The following AFF3 variants were observed in gnomAD, a reference collection of about 807,000 sequenced individuals.
The protein encoded by AFF3 is AF4/FMR2 family member 3.
AFF3 carries 32 observed loss-of-function variants against 129.7 expected under a neutral mutation model. That is an observed-to-expected ratio of 0.25 (90% CI 0.19 to 0.33). The LOEUF is 0.33. Ranked by LOEUF, AFF3 falls within the 10% of genes least tolerant of loss-of-function variation. The probability of loss-of-function intolerance (pLI) is 1.00; values close to 1 mark genes in which losing one functional copy is unlikely to be tolerated. For synonymous variants in AFF3, 644 were observed against 635.4 expected, an observed-to-expected ratio of 1.01 and a Z score of -0.20; for missense variants, 1,373 against 1,592.0, an observed-to-expected ratio of 0.86 and a Z score of 2.34.
chr2:100,068,188 T>C (rs530618125), intron 4 of AFF3, among the ~76,000 whole-genome samples: 20 of 152,332 alleles, frequency 1.3e-4, no homozygotes, highest in African/African-American at 4.3e-4. Flanking sequence ...GTCTTCTTCA[T>C]AGCTTTGACC....
intron 7 of AFF3, among the ~76,000 whole-genome samples, chr2:99,987,844 C>T (rs1204271354): frequency 6.6e-6 from 1 of 152,214 alleles, no homozygotes; most frequent in Non-Finnish European, 1.5e-5. Flanking sequence ...TTTTCTCAAT[C>T]TCCAGCCTCA....
intron 11 of AFF3, among the ~76,000 whole-genome samples, chr2:99,692,204 G>C (rs895088543): frequency 6.6e-6 from 1 of 152,194 alleles, no homozygotes; most frequent in Non-Finnish European, 1.5e-5. Context: ...CAAATCCAGA[G>C]AGGACTCTTA....
At chr2:99,733,146 G>A (rs1349918108) in intron 10 of AFF3, among the ~76,000 whole-genome samples, 2 of 151,982 alleles carry the variant, frequency 1.3e-5, no homozygotes, top group Non-Finnish European at 2.9e-5. Flanking sequence ...TTGGGAGGCC[G>A]AGGCAGGCGG....
At chr2:99,848,043 A>G (rs1380532624) in intron 7 of AFF3, among the ~76,000 whole-genome samples, 1 of 152,086 alleles carries the variant, frequency 6.6e-6, no homozygotes, top group African/African-American at 2.4e-5. Context: ...GCACTTCAGG[A>G]GGCCAACGTG....
At chr2:99,575,744 T>C (rs924419211) in intron 18 of AFF3, among the ~76,000 whole-genome samples, 1 of 152,176 alleles carries the variant, frequency 6.6e-6, no homozygotes, top group Non-Finnish European at 1.5e-5. Flanking sequence ...TTTTATTCTA[T>C]TATATCTATA....
At chr2:99,752,156 C>T in intron 9 of AFF3, 65 bp downstream of exon 9, 3 of 1,379,824 alleles carry the variant, frequency 2.2e-6, no homozygotes, top group Non-Finnish European at 3.1e-6. Flanking sequence ...CGGGTAAAGC[C>T]CACTGCCCAC....
intron 14 of AFF3, among the ~76,000 whole-genome samples, chr2:99,597,106 G>C (rs1679363321): frequency 6.6e-6 from 1 of 152,154 alleles, no homozygotes; most frequent in Non-Finnish European, 1.5e-5. Context: ...GCTCAGAGAG[G>C]CTAAGGGACA....
In AFF3 at chr2:99,806,591, A is replaced by G. The variant is rs115156740; in HGVS notation, c.921+30886T>C. Among the ~76,000 whole-genome samples the G allele has an allele frequency of 4.3e-3, 654 of 152,254 alleles. 3 individuals are homozygous for G. The highest frequency in any genetic ancestry group is 0.015 in the African/African-American group (622 of 41,544). ...TGGGGGGAAATCCCAGTTGAACTTG[A>G]TATGACAGAGCAAGTAACTTAGAAC... On this transcript the variant is annotated intron_variant, in intron 8 of 24. Transcript: ENST00000672756.
Position 99,874,833 on chromosome 2 carries a change from A to T in AFF3, c.874-37309T>A, listed in dbSNP as rs573481863. 8.5e-5 allele frequency among the ~76,000 whole-genome samples: 13 copies of T among 152,310 alleles called. No homozygotes were observed. In the South Asian group the frequency reaches 2.7e-3, roughly 32 times the overall value. On this transcript the variant is annotated intron_variant, in intron 7 of 24. Coordinates refer to ENST00000672756, the MANE Select transcript of AFF3 (RefSeq NM_001386135.1). ...TAAGAGCTTGTCCTTGTTCTTAGGA[A>T]ATACATTGAAATATTTAGCAGTAAA...
rs1050190542 is a variant in AFF3, at chr2:99,547,499, T to C, written c.*3975A>G. On this transcript the variant is annotated 3_prime_UTR_variant, in exon 25 of 25. Transcript: ENST00000672756. Reference sequence around the variant, plus strand: ...TACATTGTTAAAAAAATCTTGCTTTTTTTTTTTTTTGGTGATGCAGATTTC... The same window carrying C: ...TACATTGTTAAAAAAATCTTGCTTTCTTTTTTTTTTGGTGATGCAGATTTC... 4 of 203,110 alleles carry C rather than the reference T, an allele frequency of 2.0e-5. No homozygotes were observed. Among genetic ancestry groups the C allele is most frequent in the African/African-American group, 9.2e-5 (4 of 43,634 alleles). 12.6% of individuals were successfully genotyped at this position (203,110 alleles called of 1,614,324 possible). A position where few individuals can be genotyped will look rare whatever the true frequency, so the allele number is the denominator to read the frequency against.
intron 13 of AFF3, among the ~76,000 whole-genome samples, chr2:99,608,821 A>AGTTTTAACAATGAAAAGTTTCATTGT (rs1454544239): frequency 2.0e-5 from 3 of 152,206 alleles, no homozygotes; most frequent in African/African-American, 7.2e-5. Context: ...TAATTTGAAA[A>AGTTTTAACAATGAAAAGTTTCATTGT]GTTTTAACAA....
chr2:99,817,977 A>T (rs751996340), intron 8 of AFF3, among the ~76,000 whole-genome samples: 6 of 152,258 alleles, frequency 3.9e-5, no homozygotes, highest in Non-Finnish European at 7.3e-5. Flanking sequence ...AGACATATGC[A>T]GAATTCCATC....
chr2:99,955,774 C>T (rs1054926184), intron 7 of AFF3, among the ~76,000 whole-genome samples: 2 of 152,178 alleles, frequency 1.3e-5, no homozygotes, highest in Middle Eastern at 3.2e-3. Context: ...GACACTGTTC[C>T]ATGAAATCAT....
chr2:99,639,253 T>C (rs1412928967), intron 13 of AFF3, among the ~76,000 whole-genome samples: 1 of 152,252 alleles, frequency 6.6e-6, no homozygotes, highest in African/African-American at 2.4e-5. Context: ...GGAGCCATTC[T>C]GTTTTATTGT....
At chr2:100,117,464 T>C (rs928806564) in intron 2 of AFF3, among the ~76,000 whole-genome samples, 2 of 152,234 alleles carry the variant, frequency 1.3e-5, no homozygotes, top group African/African-American at 4.8e-5. Flanking sequence ...ATTTTTTGAT[T>C]CTAGAATTTC....
intron 1 of AFF3, among the ~76,000 whole-genome samples, chr2:100,129,806 T>C (rs1381105597): frequency 6.6e-6 from 1 of 152,224 alleles, no homozygotes. Context: ...GTCCCCATTT[T>C]AACTGAAGAG....
chr2:100,087,372 T>TAG (rs1689527669), intron 4 of AFF3, among the ~76,000 whole-genome samples: 1 of 152,188 alleles, frequency 6.6e-6, no homozygotes, highest in South Asian at 2.1e-4. Context: ...GTTTACTCAT[T>TAG]AGAGGACTAA....
At chr2:99,950,120 C>T (rs1368847736) in intron 7 of AFF3, among the ~76,000 whole-genome samples, 1 of 152,198 alleles carries the variant, frequency 6.6e-6, no homozygotes, top group Non-Finnish European at 1.5e-5. Context: ...GGCAACAACA[C>T]ACTACTAACA....
At chr2:99,604,272 C>T (rs1197868484) in intron 13 of AFF3, among the ~76,000 whole-genome samples, 1 of 152,138 alleles carries the variant, frequency 6.6e-6, no homozygotes, top group African/African-American at 2.4e-5. Flanking sequence ...TACACATATA[C>T]CATGAAATAC....
Sources: gnomAD v4.1 joint callset for allele counts (sites outside exome capture counted in the v4.1 genomes callset) on GRCh38, gnomAD v4.1.1 for gene constraint, MANE v1.5 for transcripts, NCBI Gene and HGNC (gene_info 2026-07-23, HGNC 2026-07-21) for gene names.